Variants in DAPL1 observed in about 807,000 individuals in gnomAD.
DAPL1 encodes death-associated protein-like 1.
In DAPL1, 17 loss-of-function variants were observed where a neutral mutation model predicts 12.9. The ratio of observed to expected loss-of-function variants is 1.32; its 90% CI spans 0.90 to 1.98. The LOEUF is 1.98. DAPL1 is among the 30% of genes most tolerant of loss of function. DAPL1 has a pLI of 0.00. For synonymous variants in DAPL1, 51 were observed against 42.0 expected, an observed-to-expected ratio of 1.21 and a Z score of -0.82; for missense variants, 157 against 125.7, an observed-to-expected ratio of 1.25 and a Z score of -1.19.
intron 1 of DAPL1, among the ~76,000 whole-genome samples, chr2:158,803,723 C>T (rs1025448894): frequency 6.6e-6 from 1 of 152,096 alleles, no homozygotes; most frequent in Non-Finnish European, 1.5e-5. Flanking sequence ...TGGCCAACAC[C>T]GGAGTTTTGG....
rs368549507 is a variant in DAPL1, at chr2:158,807,045, A to G, written c.147-10A>G. 3.9e-4 allele frequency: 624 copies of G among 1,611,912 alleles called. 2 individuals are homozygous for G. The South Asian group carries it at 4.8e-3, about 12-fold the overall frequency. ...TAAGTCCTGTTCAAAGTTTCTTTTC[A>G]TCTTCACAGTGCCATTGCAAATGTT... is the stretch of plus-strand genomic sequence containing the variant. On this transcript the variant is annotated splice_polypyrimidine_tract_variant and intron_variant, in intron 2 of 3. Coordinates refer to ENST00000309950, the MANE Select transcript of DAPL1 (RefSeq NM_001017920.3).
At chr2:158,815,011 C>G (rs1013543336) in intron 3 of DAPL1, among the ~76,000 whole-genome samples, 3 of 152,208 alleles carry the variant, frequency 2.0e-5, no homozygotes, top group Admixed American at 1.3e-4. Context: ...GTAAATTCCA[C>G]AAGGTCTCTG....
At chr2:158,814,290 A>G (rs916992547) in intron 3 of DAPL1, among the ~76,000 whole-genome samples, 1 of 148,916 alleles carries the variant, frequency 6.7e-6, no homozygotes, top group African/African-American at 2.5e-5. Context: ...CTGACCTGAC[A>G]AAAAAAAAAG....
intron 3 of DAPL1, chr2:158,807,820 T>C (rs1365423741): frequency 6.6e-6 from 1 of 152,168 alleles, no homozygotes; most frequent in African/African-American, 2.4e-5. Context: ...GTTAATTTTG[T>C]ATTTTAATAG....
intron 3 of DAPL1, among the ~76,000 whole-genome samples, chr2:158,813,398 A>G (rs2059242327): frequency 6.6e-6 from 1 of 152,168 alleles, no homozygotes; most frequent in Non-Finnish European, 1.5e-5. Context: ...GGCAAGTTTT[A>G]TGTTTTGTAT....
chr2:158,801,547 C>T (rs184704344), intron 1 of DAPL1, among the ~76,000 whole-genome samples: 3 of 151,740 alleles, frequency 2.0e-5, no homozygotes, highest in Non-Finnish European at 2.9e-5. Flanking sequence ...ATGCCATATG[C>T]GTGTGTATAA....
intron 1 of DAPL1, among the ~76,000 whole-genome samples, chr2:158,800,182 A>C (rs2059159668): frequency 6.6e-6 from 1 of 152,180 alleles, no homozygotes; most frequent in African/African-American, 2.4e-5. Context: ...AAATTATAAT[A>C]AGGACTTTAT....
At chr2:158,813,042 ATT>A (rs1221045018) in intron 3 of DAPL1, among the ~76,000 whole-genome samples, 2 of 152,172 alleles carry the variant, frequency 1.3e-5, no homozygotes, top group Non-Finnish European at 2.9e-5. Context: ...ATGGAATATT[ATT>A]TAACCTTACA....
chr2:158,810,099 T>C (rs1304922422), intron 3 of DAPL1, among the ~76,000 whole-genome samples: 1 of 152,178 alleles, frequency 6.6e-6, no homozygotes, highest in East Asian at 1.9e-4. Flanking sequence ...AAGCAGCACA[T>C]GAAAAAGCGT....
chr2:158,800,704 T>C (rs763195188), intron 1 of DAPL1, among the ~76,000 whole-genome samples: 4 of 152,174 alleles, frequency 2.6e-5, no homozygotes, highest in Non-Finnish European at 4.4e-5. Flanking sequence ...TCGCTTTGCT[T>C]CTTCAGGAGT....
At chr2:158,808,524 A>G (rs73966748) in intron 3 of DAPL1, among the ~76,000 whole-genome samples, 4,039 of 152,278 alleles carry the variant, frequency 0.027, 201 homozygotes, top group African/African-American at 0.092. Context: ...AAAGTCCATG[A>G]TGTTACAGGG....
intron 1 of DAPL1, among the ~76,000 whole-genome samples, chr2:158,795,832 A>T (rs566568714): frequency 6.6e-6 from 1 of 152,128 alleles, no homozygotes; most frequent in Non-Finnish European, 1.5e-5. Context: ...CAGCTGTAAG[A>T]CTCAGTCTCC....
intron 3 of DAPL1, among the ~76,000 whole-genome samples, chr2:158,811,265 C>T (rs987015934): frequency 6.6e-6 from 1 of 152,128 alleles, no homozygotes; most frequent in Admixed American, 6.5e-5. Context: ...AAAGGCTTCT[C>T]TTGTTCTGTA....
chr2:158,812,955 C>T (rs1300129445), intron 3 of DAPL1, among the ~76,000 whole-genome samples: 1 of 151,782 alleles, frequency 6.6e-6, no homozygotes, highest in Non-Finnish European at 1.5e-5. Context: ...TTCACAATAG[C>T]CAAAAGATGA....
At chr2:158,815,673 A>G (rs1278967539) in intron 3 of DAPL1, 32 bp from the exon 4 acceptor site, 1 of 1,299,128 alleles carries the variant, frequency 7.7e-7, no homozygotes, top group Non-Finnish European at 1.1e-6. Flanking sequence ...AAGATCCAAT[A>G]TGCCTATTTT....
At chr2:158,806,814 CAACAAGAGCGA>C (rs1208756603) in intron 2 of DAPL1, among the ~76,000 whole-genome samples, 1 of 149,566 alleles carries the variant, frequency 6.7e-6, no homozygotes, top group Non-Finnish European at 1.5e-5. Context: ...CCAGCTTGGG[CAACAAGAGCGA>C]AACTGTGTCT....
chr2:158,812,764 C>T (rs2059237727), intron 3 of DAPL1, among the ~76,000 whole-genome samples: 1 of 143,758 alleles, frequency 7.0e-6, no homozygotes, highest in Admixed American at 7.1e-5. Flanking sequence ...CCCTACACTC[C>T]AGTCTGGGTG....
intron 1 of DAPL1, among the ~76,000 whole-genome samples, chr2:158,803,921 A>C (rs2059183478): frequency 6.6e-6 from 1 of 152,218 alleles, no homozygotes; most frequent in South Asian, 2.1e-4. Context: ...GTCACGTTGT[A>C]ATTGTCGGTT....
chr2:158,804,174 A>G (rs1204737664), intron 1 of DAPL1, 108 bp from the exon 2 acceptor site: 4 of 755,656 alleles, frequency 5.3e-6, no homozygotes, highest in Non-Finnish European at 2.1e-6. Context: ...TTAGATCTTT[A>G]AAAAATAAGT....
Sources: allele counts gnomAD v4.1 joint callset (sites outside exome capture counted in the v4.1 genomes callset), GRCh38; gene constraint gnomAD v4.1.1; transcripts MANE v1.5; gene names NCBI Gene and HGNC (gene_info 2026-07-23, HGNC 2026-07-21).